SORCS2: variants seen among roughly 807,000 people sequenced by gnomAD.
SORCS2 encodes sortilin related VPS10 domain containing receptor 2.
Under a neutral mutation model 141.6 loss-of-function variants are expected in SORCS2, and 100 were observed. The observed-to-expected ratio is 0.71, with a 90% confidence interval of 0.60 to 0.83. The LOEUF (loss-of-function observed/expected upper bound fraction) is 0.83, where lower values mean the gene tolerates loss of function less well. SORCS2 is among the 40% of genes least tolerant of loss of function. The pLI is 0.00. For synonymous variants in SORCS2, 789 were observed against 676.9 expected (o/e 1.17, Z -2.57); for missense variants, 1,646 against 1,560.2 (o/e 1.05, Z -0.93).
intron 1 of SORCS2, among the ~76,000 whole-genome samples, chr4:7,388,503 A>G (rs1723631778): frequency 6.6e-6 from 1 of 152,122 alleles, no homozygotes; most frequent in African/African-American, 2.4e-5. Flanking sequence ...CATGACTACT[A>G]AAGGGTCTCT....
At chr4:7,592,081 C>G (rs1164252458) in intron 3 of SORCS2, among the ~76,000 whole-genome samples, 1 of 152,166 alleles carries the variant, frequency 6.6e-6, no homozygotes, top group South Asian at 2.1e-4. Context: ...CACATGAGCC[C>G]TGAGCTTCTC....
intron 2 of SORCS2, among the ~76,000 whole-genome samples, chr4:7,438,865 G>A (rs576944409): frequency 1.3e-5 from 2 of 152,052 alleles, no homozygotes; most frequent in East Asian, 3.9e-4. Context: ...GTATATATTT[G>A]CACATGCTTT....
intron 18 of SORCS2, 33 bp from the exon 19 acceptor site, chr4:7,723,664 A>C (rs775089814): frequency 6.2e-7 from 1 of 1,611,576 alleles, no homozygotes; most frequent in Non-Finnish European, 8.5e-7. Context: ...TTCAAGGCCC[A>C]CTCCTGAGTG....
chr4:7,740,414 A>C lies in SORCS2; in HGVS notation c.*150A>C. On this transcript the variant is annotated 3_prime_UTR_variant, in exon 27 of 27. Transcript: ENST00000507866. ...CGACAGGCACCACCCCCTCTGATAA[A>C]TCCAAGCCCGCCCAGGCCCACGGGG... 1 of 698,016 alleles carries C rather than the reference A, an allele frequency of 1.4e-6. No individual in the cohort carries two copies. Among genetic ancestry groups the C allele is most frequent in the Non-Finnish European group, 2.4e-6 (1 of 411,094 alleles). 43.2% of individuals were successfully genotyped at this position (698,016 alleles called of 1,614,324 possible).
intron 2 of SORCS2, among the ~76,000 whole-genome samples, chr4:7,507,765 C>T (rs971484343): frequency 2.6e-5 from 4 of 150,990 alleles, no homozygotes; most frequent in African/African-American, 9.7e-5. Context: ...AAAGTTAAGG[C>T]ATGCTGTGTC....
In SORCS2 at chr4:7,739,596, A is replaced by G. The variant is rs1363578415; in HGVS notation, c.3416-604A>G. ...GTTAGAGATGAAGAAGCCAAGGCCCAGCCAGGTGAAGGATGGGCGAGGACT... is the reference window on the plus strand; with the variant it reads ...GTTAGAGATGAAGAAGCCAAGGCCCGGCCAGGTGAAGGATGGGCGAGGACT... On this transcript the variant is annotated intron_variant, in intron 26 of 26. Transcript: ENST00000507866. Among the ~76,000 whole-genome samples the G allele has an allele frequency of 2.6e-5, 4 of 152,178 alleles. No homozygotes were observed. In the East Asian group the frequency reaches 7.7e-4, roughly 29 times the overall value.
chr4:7,333,390 T>G (rs1397342316), intron 1 of SORCS2, among the ~76,000 whole-genome samples: 1 of 152,176 alleles, frequency 6.6e-6, no homozygotes, highest in African/African-American at 2.4e-5. Flanking sequence ...TTCCCGTGTG[T>G]GATGTTGGCC....
intron 1 of SORCS2, among the ~76,000 whole-genome samples, chr4:7,251,822 A>G (rs1200130739): frequency 6.6e-6 from 1 of 152,072 alleles, no homozygotes; most frequent in Non-Finnish European, 1.5e-5. Context: ...GGCCACCTCT[A>G]CAGCTCCTTT....
intron 3 of SORCS2, among the ~76,000 whole-genome samples, chr4:7,595,401 A>T (rs1205143207): frequency 6.6e-6 from 1 of 152,026 alleles, no homozygotes; most frequent in African/African-American, 2.4e-5. Flanking sequence ...ATTGGTGACT[A>T]ACTCCATCTC....
chr4:7,527,464 G>T (rs971135535), intron 2 of SORCS2, among the ~76,000 whole-genome samples: 7 of 152,228 alleles, frequency 4.6e-5, no homozygotes, highest in African/African-American at 1.7e-4. Flanking sequence ...ACTCTGCAGT[G>T]GGCCTCGGGG....
intron 1 of SORCS2, among the ~76,000 whole-genome samples, chr4:7,206,608 C>T (rs954668104): frequency 1.3e-5 from 2 of 152,156 alleles, no homozygotes; most frequent in Non-Finnish European, 2.9e-5. Flanking sequence ...AGATTTGTTT[C>T]TTGCCTGAGA....
In SORCS2 at chr4:7,663,575, C is replaced by T. The variant is rs1722317777; in HGVS notation, c.953-778C>T. Among the ~76,000 whole-genome samples the T allele has an allele frequency of 6.6e-6, 1 of 152,244 alleles. No homozygotes were observed. The highest frequency in any genetic ancestry group is 6.5e-5 in the Admixed American group (1 of 15,294). On this transcript the variant is annotated intron_variant, in intron 6 of 26. Coordinates refer to ENST00000507866, the MANE Select transcript of SORCS2 (RefSeq NM_020777.3). This position sits in a 1 kb window ranked among gnomAD's most constrained non-coding sequence, Gnocchi z 4.8. ...TACACTGCCTTCTGCCTCCTCTGAA[C>T]AGACCGGGCAGGTGGGCCCACCCCA...
chr4:7,589,802 C>T (rs1716791108), intron 3 of SORCS2, among the ~76,000 whole-genome samples: 1 of 152,156 alleles, frequency 6.6e-6, no homozygotes, highest in Non-Finnish European at 1.5e-5. Context: ...ACCTGAGGCT[C>T]AGAGAGTTTA....
intron 5 of SORCS2, among the ~76,000 whole-genome samples, chr4:7,658,123 T>TTGAGTGACTGAG (rs540491022): frequency 3.6e-5 from 5 of 139,704 alleles, no homozygotes; most frequent in African/African-American, 1.1e-4. Flanking sequence ...GAGTCGGTGA[T>TTGAGTGACTGAG]TGAGTGACTG....
intron 2 of SORCS2, among the ~76,000 whole-genome samples, chr4:7,453,195 T>G (rs1316455558): frequency 9.6e-6 from 1 of 104,044 alleles, no homozygotes; most frequent in African/African-American, 3.9e-5. Context: ...GGGGTCAGGC[T>G]CCGTGTTGGG....
intron 9 of SORCS2, among the ~76,000 whole-genome samples, chr4:7,681,205 C>G (rs528392353): frequency 6.6e-6 from 1 of 152,102 alleles, no homozygotes; most frequent in African/African-American, 2.4e-5. Flanking sequence ...GGCCACATCC[C>G]GAGCCCCAGA....
At chr4:7,467,721 T>C (rs1729708104) in intron 2 of SORCS2, among the ~76,000 whole-genome samples, 1 of 152,194 alleles carries the variant, frequency 6.6e-6, no homozygotes. Context: ...CACCCAGCTC[T>C]TGGTCTCAGC....
intron 1 of SORCS2, among the ~76,000 whole-genome samples, chr4:7,261,208 A>G (rs1378648817): frequency 6.6e-6 from 1 of 152,178 alleles, no homozygotes; most frequent in Non-Finnish European, 1.5e-5. Flanking sequence ...CTAACATTAC[A>G]TTTTGGCAGG....
intron 1 of SORCS2, among the ~76,000 whole-genome samples, chr4:7,298,410 C>G (rs1717216866): frequency 6.6e-6 from 1 of 152,172 alleles, no homozygotes; most frequent in South Asian, 2.1e-4. Context: ...GGCCAGGATG[C>G]CCTGACATAC....
Sources: gnomAD v4.1 joint callset for allele counts (sites outside exome capture counted in the v4.1 genomes callset) on GRCh38, gnomAD v4.1.1 for gene constraint, Gnocchi (gnomAD v3.1) non-coding constraint, MANE v1.5 for transcripts, NCBI Gene and HGNC (gene_info 2026-07-23, HGNC 2026-07-21) for gene names.